The following TGM6 variants were observed in gnomAD, a reference collection of about 807,000 sequenced individuals.
TGM6 encodes transglutaminase 6, also known as protein-glutamine gamma-glutamyltransferase 6.
TGM6 carries 74 observed loss-of-function variants against 77.5 expected under a neutral mutation model. The observed-to-expected ratio is 0.96, with a 90% CI of 0.79 to 1.16. TGM6 has a LOEUF of 1.16. Among genes scored for constraint, TGM6 ranks in the 50% most tolerant of loss-of-function variants. The pLI is 0.00. For synonymous variants in TGM6, 383 were observed against 378.9 expected, an observed-to-expected ratio of 1.01 and a Z score of -0.12; for missense variants, 968 against 940.2, an observed-to-expected ratio of 1.03 and a Z score of -0.39.
chr20:2,394,137 A>T (rs2122344162), intron 1 of TGM6, among the ~76,000 whole-genome samples: 1 of 152,256 alleles, frequency 6.6e-6, no homozygotes, highest in East Asian at 1.9e-4. Flanking sequence ...AAAAATATAC[A>T]AAGAAATTAC....
At chr20:2,386,247 C>T (rs2084595202) in intron 1 of TGM6, among the ~76,000 whole-genome samples, 1 of 152,132 alleles carries the variant, frequency 6.6e-6, no homozygotes, top group Non-Finnish European at 1.5e-5. Flanking sequence ...CCGGCTATTA[C>T]ACCACATATG....
At chr20:2,383,774 G>A (rs1218140449) in intron 1 of TGM6, among the ~76,000 whole-genome samples, 1 of 152,014 alleles carries the variant, frequency 6.6e-6, no homozygotes, top group Non-Finnish European at 1.5e-5. Context: ...GAGGACCAAA[G>A]TGATGGGGGA....
intron 10 of TGM6, among the ~76,000 whole-genome samples, chr20:2,427,651 C>T (rs1485744794): frequency 6.6e-6 from 1 of 152,058 alleles, no homozygotes; most frequent in Non-Finnish European, 1.5e-5. Context: ...GATTTAGATC[C>T]TTCTTCTTTT....
chr20:2,431,070 T>C, intron 12 of TGM6, 43 bp downstream of exon 12: 1 of 1,584,840 alleles, frequency 6.3e-7, no homozygotes, highest in East Asian at 2.3e-5. Flanking sequence ...GGGGCTCTCT[T>C]CCTTGTGGAT....
chr20:2,398,829 AC>A (rs983304946), intron 5 of TGM6, among the ~76,000 whole-genome samples: 15 of 152,048 alleles, frequency 9.9e-5, no homozygotes, highest in African/African-American at 3.6e-4. Context: ...TGCAGGGCCC[AC>A]CACCTCCCTC....
intron 10 of TGM6, among the ~76,000 whole-genome samples, chr20:2,425,499 T>C (rs1435134703): frequency 6.6e-6 from 1 of 152,176 alleles, no homozygotes; most frequent in Non-Finnish European, 1.5e-5. Flanking sequence ...TGAAGCACAG[T>C]AAAATAAGGT....
intron 12 of TGM6, among the ~76,000 whole-genome samples, chr20:2,431,795 C>T (rs77632479): frequency 0.013 from 2,024 of 152,208 alleles, 51 homozygotes; most frequent in African/African-American, 0.046. Flanking sequence ...GAAGTAAGGA[C>T]GGTTTGCCAG....
intron 11 of TGM6, 80 bp from the exon 12 acceptor site, chr20:2,430,814 C>A: frequency 6.2e-7 from 1 of 1,611,932 alleles, no homozygotes. Context: ...AATGATCCAT[C>A]CTCTAACTCA....
chr20:2,430,824 A>T (rs950231328), intron 11 of TGM6, 70 bp from the exon 12 acceptor site: 2 of 1,613,246 alleles, frequency 1.2e-6, no homozygotes, highest in Non-Finnish European at 1.7e-6. Flanking sequence ...CCTCTAACTC[A>T]GCCAGGACCA....
At chr20:2,426,496 T>C (rs1446710436) in intron 10 of TGM6, among the ~76,000 whole-genome samples, 2 of 152,196 alleles carry the variant, frequency 1.3e-5, no homozygotes, top group Admixed American at 6.5e-5. Flanking sequence ...CCAATCTGTA[T>C]ACATTTTATT....
intron 9 of TGM6, among the ~76,000 whole-genome samples, chr20:2,414,392 G>A (rs559792578): frequency 1.8e-4 from 28 of 152,162 alleles, no homozygotes; most frequent in African/African-American, 6.3e-4. Flanking sequence ...TAGAACTACC[G>A]TCATCAAAAA....
Position 2,417,574 on chromosome 20 carries a change from G to A in TGM6, c.1678+1G>A, listed in dbSNP as rs145535883. 3.1e-5 allele frequency: 50 copies of A among 1,598,164 alleles called. No individual in the cohort carries two copies. Among genetic ancestry groups the A allele is most frequent in the Non-Finnish European group, 4.1e-5 (48 of 1,178,838 alleles). Reference sequence around the variant, plus strand: ...GCCGTGAGGCTGGGGCCGCAAGAAGGTAAGTGTACGCTGGCTTGGTGGAAT... The same window carrying A: ...GCCGTGAGGCTGGGGCCGCAAGAAGATAAGTGTACGCTGGCTTGGTGGAAT... On this transcript the variant is annotated splice_donor_variant, in intron 10 of 12. Coordinates refer to ENST00000202625, the MANE Select transcript of TGM6 (RefSeq NM_198994.3). LOFTEE classifies it high-confidence loss of function.
chr20:2,418,135 C>G (rs1366916845), intron 10 of TGM6, among the ~76,000 whole-genome samples: 4 of 152,108 alleles, frequency 2.6e-5, no homozygotes, highest in Non-Finnish European at 4.4e-5. Context: ...GCCTCAACCT[C>G]CTGAGTAGCT....
Position 2,385,582 on chromosome 20 carries a change from C to T in TGM6, c.7+4607C>T, listed in dbSNP as rs543176876. On this transcript the variant is annotated intron_variant, in intron 1 of 12. Coordinates refer to ENST00000202625, the MANE Select transcript of TGM6 (RefSeq NM_198994.3). ...TGCCCATGTCAGAGGCCTCACACAC[C>T]CTCCTCTTTCTCACTCTGTGGAAGG... Among the ~76,000 whole-genome samples the T allele has an allele frequency of 3.9e-5, 6 of 152,248 alleles. No individual in the cohort carries two copies. In the South Asian group the frequency reaches 6.2e-4, roughly 16 times the overall value.
Position 2,400,295 on chromosome 20 carries a change from C to G in TGM6, c.851-11C>G, listed in dbSNP as rs768976419. 42 of 1,614,040 alleles carry G rather than the reference C, an allele frequency of 2.6e-5. No homozygotes were observed. The highest frequency in any genetic ancestry group is 3.5e-5 in the Non-Finnish European group (41 of 1,180,004). On this transcript the variant is annotated splice_polypyrimidine_tract_variant and intron_variant, in intron 6 of 12. Transcript: ENST00000202625. ...AGGGTCCCGCCTGCTCCGAGCCTCT[C>G]TGCTCTGCAGTCCTCAGGTGCTTGG...
intron 9 of TGM6, among the ~76,000 whole-genome samples, chr20:2,410,719 T>A (rs1489832513): frequency 2.0e-5 from 3 of 152,108 alleles, no homozygotes; most frequent in Non-Finnish European, 4.4e-5. Flanking sequence ...GGAGACCCAG[T>A]TGGTGTCCAG....
At chr20:2,429,491 C>G (rs1392604179) in intron 10 of TGM6, among the ~76,000 whole-genome samples, 1 of 151,468 alleles carries the variant, frequency 6.6e-6, no homozygotes. Flanking sequence ...CAAATATGGT[C>G]CAGGCATGGT....
intron 1 of TGM6, among the ~76,000 whole-genome samples, chr20:2,392,343 C>T (rs570999663): frequency 3.5e-4 from 54 of 152,316 alleles, no homozygotes; most frequent in African/African-American, 1.2e-3. Flanking sequence ...GCCTCAGTTC[C>T]GCCTTCTGGA....
intron 11 of TGM6, 123 bp from the exon 12 acceptor site, chr20:2,430,771 A>G: frequency 6.3e-7 from 1 of 1,591,432 alleles, no homozygotes; most frequent in South Asian, 1.1e-5. Context: ...GCACTCAGCA[A>G]TGGGGTATAT....
Sources: gnomAD v4.1 joint callset for allele counts (sites outside exome capture counted in the v4.1 genomes callset) on GRCh38, gnomAD v4.1.1 for gene constraint, MANE v1.5 for transcripts, NCBI Gene and HGNC (gene_info 2026-07-23, HGNC 2026-07-21) for gene names.